The following FMNL3 variants were observed in gnomAD, a reference collection of about 807,000 sequenced individuals.
FMNL3 encodes formin like 3.
Under a neutral mutation model 119.6 loss-of-function variants are expected in FMNL3, and 57 were observed. The ratio of observed to expected loss-of-function variants is 0.48; its 90% confidence interval spans 0.39 to 0.59. The LOEUF is 0.59. Ranked by LOEUF, FMNL3 falls within the 20% of genes least tolerant of loss-of-function variation. FMNL3 has a pLI of 0.00. For synonymous variants in FMNL3, 491 were observed against 507.3 expected, an observed-to-expected ratio of 0.97 and a Z score of 0.43; for missense variants, 1,053 against 1,323.5, an observed-to-expected ratio of 0.80 and a Z score of 3.17.
intron 1 of FMNL3, among the ~76,000 whole-genome samples, chr12:49,695,770 CA>C: frequency 6.6e-6 from 1 of 151,344 alleles, no homozygotes; most frequent in South Asian, 2.1e-4. Context: ...AATTTTCCTA[CA>C]AAAATTCTGT....
chr12:49,682,171 C>T (rs1320056311), intron 1 of FMNL3, among the ~76,000 whole-genome samples: 2 of 151,490 alleles, frequency 1.3e-5, no homozygotes, highest in African/African-American at 2.4e-5. Flanking sequence ...TCCAGGTTCA[C>T]GCCATTCTCC....
intron 9 of FMNL3, among the ~76,000 whole-genome samples, chr12:49,655,964 C>T (rs1289711657): frequency 1.3e-5 from 2 of 152,166 alleles, no homozygotes; most frequent in African/African-American, 4.8e-5. Context: ...GACATCCTTG[C>T]TTACCTTCTC....
chr12:49,657,915 C>T (rs1001868018), intron 6 of FMNL3, among the ~76,000 whole-genome samples: 1 of 152,238 alleles, frequency 6.6e-6, no homozygotes, highest in Non-Finnish European at 1.5e-5. Flanking sequence ...CCAGGCAGGG[C>T]GGCTCTTAAG....
Position 49,641,623 on chromosome 12 carries a change from C to T in FMNL3, c.*4192G>A. On this transcript the variant is annotated 3_prime_UTR_variant, in exon 26 of 26. Coordinates refer to ENST00000335154, the MANE Select transcript of FMNL3 (RefSeq NM_175736.5). ...CCCAGCTGGGGCCAGAGCTTTAAGCCAAAGGAACAAAAGTTAATTTTGAGA... is the reference window on the plus strand; with the variant it reads ...CCCAGCTGGGGCCAGAGCTTTAAGCTAAAGGAACAAAAGTTAATTTTGAGA... 1 of 408,624 alleles carries T rather than the reference C, an allele frequency of 2.4e-6. No homozygotes were observed. The highest frequency in any genetic ancestry group is 4.0e-5 in the Admixed American group (1 of 24,994). 25.3% of individuals were successfully genotyped at this position (408,624 alleles called of 1,614,324 possible). A position where few individuals can be genotyped will look rare whatever the true frequency, so the allele number is the denominator to read the frequency against.
rs927729742 is a variant in FMNL3, at chr12:49,658,420, G to A, written c.605+22C>T. 5 of 1,570,142 alleles carry A rather than the reference G, an allele frequency of 3.2e-6. No homozygotes were observed. The African/African-American group carries it at 6.8e-5, about 21-fold the overall frequency. On this transcript the variant is annotated intron_variant, in intron 6 of 25. Transcript: ENST00000335154. ...TGAAGGGTAGGGTGGGAGGCAGGTGGGCAGAGCAAAAGCACACATACCGGA... is the reference window on the plus strand; with the variant it reads ...TGAAGGGTAGGGTGGGAGGCAGGTGAGCAGAGCAAAAGCACACATACCGGA...
chr12:49,703,129 C>T (rs938883396), intron 1 of FMNL3, among the ~76,000 whole-genome samples: 1 of 152,172 alleles, frequency 6.6e-6, no homozygotes, highest in Non-Finnish European at 1.5e-5. Context: ...CTTTTTCTGG[C>T]ATCAGAACTT....
intron 1 of FMNL3, among the ~76,000 whole-genome samples, chr12:49,671,196 C>T (rs1027053532): frequency 4.6e-5 from 7 of 152,216 alleles, no homozygotes; most frequent in African/African-American, 1.4e-4. Flanking sequence ...AACACTTGGT[C>T]CCCTCGGTTT....
chr12:49,665,960 TC>T, intron 3 of FMNL3, 52 bp from the exon 4 acceptor site: 1 of 1,594,190 alleles, frequency 6.3e-7, no homozygotes, highest in African/African-American at 1.3e-5. Context: ...TTATAGACTT[TC>T]CCTCCATTAC....
intron 1 of FMNL3, among the ~76,000 whole-genome samples, chr12:49,672,079 C>T (rs752791829): frequency 1.3e-5 from 2 of 152,178 alleles, no homozygotes; most frequent in South Asian, 2.1e-4. Flanking sequence ...TCCCCCTCAC[C>T]GCCTGCTTCC....
rs750028246 is a variant in FMNL3 at position 49,653,221 on chromosome 12, T to G, written c.1323+5A>C. 4.3e-6 allele frequency: 7 copies of G among 1,613,812 alleles called. No homozygotes were observed. In the South Asian group the frequency reaches 7.7e-5, roughly 18 times the overall value. ...CAGGGACTGCCTTCCCCAGAGTACTTGTACCTTGATGCTCTCTAGTTCCTT... is the reference window on the plus strand; with the variant it reads ...CAGGGACTGCCTTCCCCAGAGTACTGGTACCTTGATGCTCTCTAGTTCCTT... On this transcript the variant is annotated splice_donor_5th_base_variant and intron_variant, in intron 13 of 25. Coordinates refer to ENST00000335154, the MANE Select transcript of FMNL3 (RefSeq NM_175736.5).
chr12:49,656,756 A>T, intron 8 of FMNL3, 67 bp downstream of exon 8: 1 of 1,445,708 alleles, frequency 6.9e-7, no homozygotes, highest in Non-Finnish European at 9.7e-7. Flanking sequence ...CTTGTCAGGA[A>T]TACATGGAGT....
chr12:49,691,503 T>C (rs1172143693), intron 1 of FMNL3, among the ~76,000 whole-genome samples: 4 of 152,140 alleles, frequency 2.6e-5, no homozygotes, highest in Admixed American at 2.6e-4. Context: ...TAAAAATACA[T>C]AGCCTGCCTG....
At position 49,647,674 on chromosome 12, in the gene FMNL3, A is replaced by G. The variant is rs759372477; in HGVS notation, c.2778+29T>C. 3.1e-6 allele frequency: 5 copies of G among 1,602,870 alleles called. No homozygotes were observed. The highest frequency in any genetic ancestry group is 3.4e-6 in the Non-Finnish European group (4 of 1,170,106). On this transcript the variant is annotated intron_variant, in intron 23 of 25. Transcript: ENST00000335154. The surrounding 1 kb of genome is among the most constrained non-coding windows in gnomAD (Gnocchi z 4.9). ...CCCCCAGCCAGTTTTCTCGCAACCA[A>G]ACTTCTTAAAAAGCTCTCTGCAGCT...
At chr12:49,690,721 C>T (rs377110859) in intron 1 of FMNL3, among the ~76,000 whole-genome samples, 4 of 152,344 alleles carry the variant, frequency 2.6e-5, no homozygotes, top group Admixed American at 6.5e-5. Flanking sequence ...CCACAATCCA[C>T]TCAATCCACT....
chr12:49,691,051 A>G (rs1193158835), intron 1 of FMNL3, among the ~76,000 whole-genome samples: 5 of 152,186 alleles, frequency 3.3e-5, no homozygotes, highest in Non-Finnish European at 7.3e-5. Flanking sequence ...AAAAGCAACA[A>G]CAAAAAAAAC....
At chr12:49,655,603 AAGG>A (rs1943544900) in intron 9 of FMNL3, among the ~76,000 whole-genome samples, 1 of 152,002 alleles carries the variant, frequency 6.6e-6, no homozygotes, top group Non-Finnish European at 1.5e-5. Context: ...TTACTAAAGG[AAGG>A]AGGGAAAGAA....
rs1239808559 is a variant in FMNL3 at position 49,648,330 on chromosome 12, C to G, written c.2539G>C (p.Asp847His). 6.2e-7 allele frequency: 1 copy of G among 1,612,958 alleles called. No individual in the cohort carries two copies. Among genetic ancestry groups the G allele is most frequent in the Non-Finnish European group, 8.5e-7 (1 of 1,179,354 alleles). The change falls in exon 22 of 26, where the codon GAC (aspartate) becomes CAC (histidine). Residue 847 changes from aspartate to histidine, a missense_variant. Physicochemically the swap from Asp to His is moderately conservative, Grantham distance 81. This residue lies in a region of FMNL3 where 324 missense variants were observed against 380.9 expected (regional missense o/e 0.85). Coordinates refer to ENST00000335154, the MANE Select transcript of FMNL3 (RefSeq NM_175736.5). ...AAVSLENVLL[D>H]VKELGRGMEL... is the part of the protein sequence containing the mutation. The stretch of plus-strand genomic sequence containing the variant: ...ATGCCCCGGCCCAGCTCCTTCACGT[C>G]CAGCAGCACGTTCTCCAGGGACACT...
intron 13 of FMNL3, among the ~76,000 whole-genome samples, 180 bp downstream of exon 13, chr12:49,653,046 C>A (rs1943455008): frequency 6.6e-6 from 1 of 152,142 alleles, no homozygotes; most frequent in South Asian, 2.1e-4. Context: ...CTGGCCCCAC[C>A]TTTCCTCTCC....
intron 1 of FMNL3, among the ~76,000 whole-genome samples, chr12:49,700,429 G>C (rs527798952): frequency 6.9e-6 from 1 of 144,172 alleles, no homozygotes; most frequent in East Asian, 2.0e-4. Flanking sequence ...AAAAGGGTAA[G>C]ATACGCTGGA....
Sources: allele counts gnomAD v4.1 joint callset (sites outside exome capture counted in the v4.1 genomes callset), GRCh38; gene constraint gnomAD v4.1.1; regional missense constraint gnomAD v4.1.1; non-coding constraint Gnocchi (gnomAD v3.1); transcripts MANE v1.5; gene names NCBI Gene and HGNC (gene_info 2026-07-23, HGNC 2026-07-21).